The following TRIO variants were observed in gnomAD, a reference collection of about 807,000 sequenced individuals.
TRIO encodes the protein triple functional domain protein.
TRIO carries 58 observed loss-of-function variants against 351.9 expected under a neutral mutation model. The ratio of observed to expected loss-of-function variants is 0.16; its 90% CI spans 0.13 to 0.21. TRIO has a LOEUF of 0.21. Ranked by LOEUF, TRIO falls within the 10% of genes least tolerant of loss-of-function variation. TRIO has a pLI of 1.00. For missense variants in TRIO, 3,201 were observed against 4,027.8 expected, an observed-to-expected ratio of 0.79 and a Z score of 5.56; for synonymous variants, 1,758 against 1,595.7, an observed-to-expected ratio of 1.10 and a Z score of -2.42.
At chr5:14,274,017 A>C (rs532973161) in intron 2 of TRIO, among the ~76,000 whole-genome samples, 3 of 152,288 alleles carry the variant, frequency 2.0e-5, no homozygotes, top group Admixed American at 2.0e-4. Flanking sequence ...ATATTATTTT[A>C]TTTATAAATA....
At chr5:14,502,047 T>G (rs1757331058) in intron 53 of TRIO, among the ~76,000 whole-genome samples, 1 of 152,236 alleles carries the variant, frequency 6.6e-6, no homozygotes, top group African/African-American at 2.4e-5. Context: ...CTTTGTAGTG[T>G]ATTTATGATT....
At chr5:14,368,527 T>C (rs530640481) in intron 16 of TRIO, among the ~76,000 whole-genome samples, 181 bp from the exon 17 acceptor site, 1 of 152,208 alleles carries the variant, frequency 6.6e-6, no homozygotes, top group Non-Finnish European at 1.5e-5. Flanking sequence ...TCTAGTTGTT[T>C]CTCGGCATAA....
chr5:14,291,788 T>TAAAAAAAAAAA lies in TRIO; in HGVS notation c.1053+578_1053+588dup, dbSNP rs57424190. ...TGGGCGACAGAGTGAGACTCCGTCT[T>TAAAAAAAAAAA]AAAAAAAAAAAAAAAAAAAAAAAAA... On this transcript the variant is annotated intron_variant, in intron 5 of 56. Coordinates refer to ENST00000344204, the MANE Select transcript of TRIO (RefSeq NM_007118.4). Among the ~76,000 whole-genome samples, 676 of 100,794 alleles carry TAAAAAAAAAAA rather than the reference T, an allele frequency of 6.7e-3. 7 individuals are homozygous for TAAAAAAAAAAA. Among genetic ancestry groups the TAAAAAAAAAAA allele is most frequent in the Non-Finnish European group, 8.3e-3 (446 of 53,422 alleles). The allele number at this position is 100,794 out of a possible 152,430, so 66.1% of individuals were successfully genotyped here. A position where few individuals can be genotyped will look rare whatever the true frequency, so the allele number is the denominator to read the frequency against.
chr5:14,483,132 T>G lies in TRIO; in HGVS notation c.6657+359T>G, dbSNP rs1755657616. On this transcript the variant is annotated intron_variant, in intron 46 of 56. Transcript: ENST00000344204. The stretch of plus-strand genomic sequence containing the variant: ...TCAGAGAAAAAGTTCACTCGGTGTC[T>G]TCTTCTCTTCCTCCACTCACCAAGG... 2.0e-5 allele frequency among the ~76,000 whole-genome samples: 3 copies of G among 152,194 alleles called. No individual in the cohort carries two copies. The South Asian group carries it at 6.2e-4, about 32-fold the overall frequency.
intron 3 of TRIO, among the ~76,000 whole-genome samples, chr5:14,281,663 A>G (rs78167384): frequency 0.079 from 12,030 of 152,142 alleles, 539 homozygotes; most frequent in African/African-American, 0.086. Context: ...AGGGGTGCCT[A>G]TCTATGAGGA....
intron 11 of TRIO, among the ~76,000 whole-genome samples, chr5:14,338,532 C>T (rs1741639878): frequency 6.6e-6 from 1 of 152,204 alleles, no homozygotes; most frequent in South Asian, 2.1e-4. Flanking sequence ...CATGTTTTTA[C>T]ACCGTAGCTG....
At chr5:14,397,344 C>CTT (rs1273658387) in intron 29 of TRIO, 190 bp downstream of exon 29, 1 of 530,632 alleles carries the variant, frequency 1.9e-6, no homozygotes, top group Non-Finnish European at 3.3e-6. Context: ...CATTGAAAGC[C>CTT]TTTTCTGGTC....
intron 34 of TRIO, among the ~76,000 whole-genome samples, chr5:14,446,733 A>G (rs1752470260): frequency 6.6e-6 from 1 of 152,156 alleles, no homozygotes; most frequent in Non-Finnish European, 1.5e-5. Context: ...TATAATTGTA[A>G]AAGGAATTCC....
rs991299981 is a variant in TRIO at position 14,504,507 on chromosome 5, C to T, written c.8526C>T (p.Gly2842=). The change falls in exon 55 of 57, where the codon GGC becomes GGT. Residue 2842 remains glycine (G), a synonymous_variant. Coordinates refer to ENST00000344204, the MANE Select transcript of TRIO (RefSeq NM_007118.4). ...GCGACCAGGTCACCCATGAGCTTGGCATCCTGCAGAGCCTCCAGCACCCCC... is the reference window on the plus strand; with the variant it reads ...GCGACCAGGTCACCCATGAGCTTGGTATCCTGCAGAGCCTCCAGCACCCCC... The part of the protein sequence containing the change: ...MKRDQVTHEL[G]ILQSLQHPLL... 7 of 1,614,058 alleles carry T rather than the reference C, an allele frequency of 4.3e-6. No homozygotes were observed. Among genetic ancestry groups the T allele is most frequent in the African/African-American group, 2.7e-5 (2 of 74,916 alleles).
At chr5:14,186,228 G>T (rs545681073) in intron 1 of TRIO, among the ~76,000 whole-genome samples, 2 of 152,276 alleles carry the variant, frequency 1.3e-5, no homozygotes, top group South Asian at 4.1e-4. Context: ...TGATCACCAG[G>T]CTTTTGAGCT....
intron 1 of TRIO, among the ~76,000 whole-genome samples, chr5:14,222,078 C>A (rs1397259657): frequency 6.6e-6 from 1 of 152,044 alleles, no homozygotes; most frequent in Admixed American, 6.5e-5. Flanking sequence ...CGCGGCAAGA[C>A]CCTCCACCAG....
rs78607142 is a variant in TRIO, at chr5:14,223,003, C to T, written c.158-47822C>T. Among the ~76,000 whole-genome samples the T allele has an allele frequency of 4.4e-3, 676 of 152,234 alleles. 2 individuals carry two copies. The highest frequency in any genetic ancestry group is 0.016 in the African/African-American group (647 of 41,536). ...TGTTGAAAATGATAGTGTTGGAATC[C>T]TGGGCATGAAGCCTTTTGTCTCTGG... is the stretch of plus-strand genomic sequence containing the variant. On this transcript the variant is annotated intron_variant, in intron 1 of 56. Coordinates refer to ENST00000344204, the MANE Select transcript of TRIO (RefSeq NM_007118.4).
intron 1 of TRIO, among the ~76,000 whole-genome samples, chr5:14,216,309 T>A (rs1005842128): frequency 6.6e-6 from 1 of 152,242 alleles, no homozygotes; most frequent in Non-Finnish European, 1.5e-5. Context: ...TGTATTAGAG[T>A]TGAATTTGTC....
rs373792332 is a variant in TRIO at position 14,318,131 on chromosome 5, G to GA, written c.1731+1401dup. ...TGACAGAGCAAGACTCCATCTCAAA[G>GA]AAAAAAAAAAAAATTAGCCTGGCAT... On this transcript the variant is annotated intron_variant, in intron 9 of 56. Transcript: ENST00000344204. Among the ~76,000 whole-genome samples the GA allele has an allele frequency of 8.6e-3, 1,039 of 120,172 alleles. 9 individuals carry two copies. Among genetic ancestry groups the GA allele is most frequent in the African/African-American group, 0.031 (947 of 30,746 alleles). 78.8% of individuals were successfully genotyped at this position (120,172 alleles called of 152,430 possible). A position where few individuals can be genotyped will look rare whatever the true frequency, so the allele number is the denominator to read the frequency against.
At chr5:14,390,071 A>G (rs1477165650) in intron 25 of TRIO, among the ~76,000 whole-genome samples, 160 bp from the exon 26 acceptor site, 1 of 152,210 alleles carries the variant, frequency 6.6e-6, no homozygotes, top group Non-Finnish European at 1.5e-5. Flanking sequence ...TGAAGGCGAA[A>G]CTGGCTAGCT....
rs777888578 is a variant in TRIO, at chr5:14,387,805, A to G, written c.3839A>G (p.His1280Arg). 6.8e-6 allele frequency: 11 copies of G among 1,614,232 alleles called. No individual in the cohort carries two copies. Among genetic ancestry groups the G allele is most frequent in the Non-Finnish European group, 9.3e-6 (11 of 1,180,044 alleles). ...GAGGTGAAACTTCGAGATGCTGCTC[A>G]TGAACTTAATGAAGAGAAGCGGAAA... Reference protein sequence around the residue: ...GSEVKLRDAAHELNEEKRKSA... With the variant: ...GSEVKLRDAARELNEEKRKSA... The change falls in exon 23 of 57, where the codon CAT (histidine) becomes CGT (arginine). Residue 1280 changes from histidine (H) to arginine (R), a missense_variant. Transcript: ENST00000344204.
rs905060105 is a variant in TRIO at position 14,509,740 on chromosome 5, G to A, written c.*1318G>A. 1.9e-5 allele frequency: 6 copies of A among 312,974 alleles called. No individual in the cohort carries two copies. Among genetic ancestry groups the A allele is most frequent in the African/African-American group, 9.0e-5 (4 of 44,206 alleles). The allele number at this position is 312,974 out of a possible 1,614,324, so 19.4% of individuals were successfully genotyped here. On this transcript the variant is annotated 3_prime_UTR_variant, in exon 57 of 57. Coordinates refer to ENST00000344204, the MANE Select transcript of TRIO (RefSeq NM_007118.4). ...TGCCCGAGTCACTGTGGCAGCATTC[G>A]CACTGGTGTGGGGAGTCCTTTCAAC...
intron 29 of TRIO, 76 bp downstream of exon 29, chr5:14,397,230 C>A (rs1747684695): frequency 4.4e-6 from 5 of 1,127,918 alleles, no homozygotes; most frequent in South Asian, 1.5e-5. Flanking sequence ...TTTCCTGAAC[C>A]CTAAAAATCC....
At chr5:14,374,454 C>T in intron 19 of TRIO, 111 bp downstream of exon 19, 1 of 664,646 alleles carries the variant, frequency 1.5e-6, no homozygotes, top group Non-Finnish European at 2.4e-6. Flanking sequence ...TTTTAAATGT[C>T]CGTTTCATGT....
Sources: allele counts gnomAD v4.1 joint callset (sites outside exome capture counted in the v4.1 genomes callset), GRCh38; gene constraint gnomAD v4.1.1; transcripts MANE v1.5; gene names NCBI Gene and HGNC (gene_info 2026-07-23, HGNC 2026-07-21).